DLG2: variants seen among roughly 807,000 people sequenced by gnomAD.
The protein encoded by DLG2 is discs large MAGUK scaffold protein 2, also known as disks large homolog 2.
In DLG2, 45 loss-of-function variants were observed where a neutral mutation model predicts 132.5. The observed-to-expected ratio is 0.34, with a 90% CI of 0.27 to 0.44. DLG2 has a LOEUF of 0.44. Among genes scored for constraint, DLG2 ranks in the 20% least tolerant of loss-of-function variants. The pLI is 1.00. For missense variants in DLG2, 1,045 were observed against 1,196.9 expected (o/e 0.87, Z 1.87); for synonymous variants, 424 against 419.6 (o/e 1.01, Z -0.13).
intron 3 of DLG2, among the ~76,000 whole-genome samples, chr11:85,363,525 GA>G (rs2084315426): frequency 6.6e-6 from 1 of 152,188 alleles, no homozygotes; most frequent in African/African-American, 2.4e-5. Flanking sequence ...ATCTCTGCCA[GA>G]TAATACACAG....
At chr11:84,687,507 T>C (rs1565662729) in intron 6 of DLG2, among the ~76,000 whole-genome samples, 1 of 152,178 alleles carries the variant, frequency 6.6e-6, no homozygotes, top group Non-Finnish European at 1.5e-5. Context: ...TCAATTAGTA[T>C]CATTTACTCT....
intron 5 of DLG2, among the ~76,000 whole-genome samples, chr11:85,120,671 G>A (rs1046510189): frequency 1.3e-5 from 2 of 151,992 alleles, no homozygotes; most frequent in Admixed American, 6.6e-5. Flanking sequence ...TGAAGTATGC[G>A]AGAGGTAAGC....
chr11:84,876,526 G>GAT (rs1301011755), intron 6 of DLG2, among the ~76,000 whole-genome samples: 1 of 152,066 alleles, frequency 6.6e-6, no homozygotes, highest in African/African-American at 2.4e-5. Flanking sequence ...GATCAGTGGT[G>GAT]ATATCCCCTT....
chr11:85,320,475 G>A (rs1356223878), intron 3 of DLG2, among the ~76,000 whole-genome samples: 1 of 151,632 alleles, frequency 6.6e-6, no homozygotes, highest in African/African-American at 2.4e-5. Flanking sequence ...AATTACAGAA[G>A]AGAATGAAAA....
At chr11:84,182,145 C>G (rs1212236663) in intron 8 of DLG2, among the ~76,000 whole-genome samples, 1 of 152,058 alleles carries the variant, frequency 6.6e-6, no homozygotes, top group Non-Finnish European at 1.5e-5. Flanking sequence ...CAAATCTTAA[C>G]AAGTTCAAAA....
At chr11:84,247,275 A>T (rs1470283322) in intron 8 of DLG2, among the ~76,000 whole-genome samples, 1 of 152,194 alleles carries the variant, frequency 6.6e-6, no homozygotes, top group East Asian at 1.9e-4. Context: ...AGTTGGTTGC[A>T]GAGTACCAGA....
rs1221771495 is a variant in DLG2 at position 85,197,106 on chromosome 11, A to G, written c.187-42455T>C. 2.6e-5 allele frequency among the ~76,000 whole-genome samples: 4 copies of G among 152,206 alleles called. No homozygotes were observed. The East Asian group carries it at 5.8e-4, about 22-fold the overall frequency. ...TTGTGAAATGTGGTTTAGGCAAAGG[A>G]GTATAGGCACAAGATTGCTAGGCCT... is the stretch of plus-strand genomic sequence containing the variant. On this transcript the variant is annotated intron_variant, in intron 4 of 27. Coordinates refer to ENST00000376104, the MANE Select transcript of DLG2 (RefSeq NM_001142699.3).
chr11:84,531,133 A>G (rs2099338312), intron 7 of DLG2, among the ~76,000 whole-genome samples: 1 of 152,214 alleles, frequency 6.6e-6, no homozygotes, highest in African/African-American at 2.4e-5. Context: ...AAAAGAAAAA[A>G]AAGAAAGTAA....
chr11:84,221,567 T>A (rs1335925060), intron 8 of DLG2, among the ~76,000 whole-genome samples: 1 of 152,226 alleles, frequency 6.6e-6, no homozygotes, highest in East Asian at 1.9e-4. Context: ...GGCCATTTTC[T>A]ATCAAAAGTT....
intron 7 of DLG2, among the ~76,000 whole-genome samples, chr11:84,403,160 T>C (rs1187755924): frequency 1.3e-5 from 2 of 152,172 alleles, no homozygotes; most frequent in Non-Finnish European, 2.9e-5. Context: ...AACATGGAGA[T>C]AATTGTTAGT....
chr11:84,610,701 C>T (rs1274952978), intron 6 of DLG2, among the ~76,000 whole-genome samples: 1 of 152,106 alleles, frequency 6.6e-6, no homozygotes, highest in African/African-American at 2.4e-5. Flanking sequence ...CCTTGCCAAT[C>T]CTGACTTTAT....
intron 3 of DLG2, among the ~76,000 whole-genome samples, chr11:85,439,265 C>T (rs2091650612): frequency 6.6e-6 from 1 of 152,148 alleles, no homozygotes; most frequent in African/African-American, 2.4e-5. Context: ...AATGAATGAC[C>T]CAGTCTAGTT....
chr11:85,612,091 C>T (rs758654251), intron 2 of DLG2, among the ~76,000 whole-genome samples: 1 of 152,174 alleles, frequency 6.6e-6, no homozygotes, highest in Non-Finnish European at 1.5e-5. Flanking sequence ...AAAGAAAAAA[C>T]AGTGTACCCT....
intron 3 of DLG2, among the ~76,000 whole-genome samples, chr11:85,321,421 T>C (rs924456985): frequency 6.6e-6 from 1 of 151,982 alleles, no homozygotes; most frequent in African/African-American, 2.4e-5. Context: ...GATATAAATT[T>C]AGAAGTTGGA....
chr11:84,746,251 G>GAAAAA (rs369130410), intron 6 of DLG2, among the ~76,000 whole-genome samples: 8 of 90,916 alleles, frequency 8.8e-5, no homozygotes, highest in South Asian at 3.5e-4. Flanking sequence ...GATATGAAAA[G>GAAAAA]AAAAAAAAAA....
intron 3 of DLG2, among the ~76,000 whole-genome samples, chr11:85,358,624 A>G (rs2083919302): frequency 6.6e-6 from 1 of 152,224 alleles, no homozygotes; most frequent in Admixed American, 6.5e-5. Flanking sequence ...CATGCTATAT[A>G]TTGTCTTGCA....
chr11:83,547,745 A>G (rs182674317), intron 19 of DLG2, among the ~76,000 whole-genome samples: 3 of 152,296 alleles, frequency 2.0e-5, no homozygotes, highest in Non-Finnish European at 4.4e-5. Context: ...GAACTATAAG[A>G]TAATAAATTT....
intron 18 of DLG2, among the ~76,000 whole-genome samples, chr11:83,680,009 C>T (rs1056022799): frequency 2.0e-5 from 3 of 152,126 alleles, no homozygotes; most frequent in Admixed American, 2.0e-4. Flanking sequence ...CGCTTTTAAT[C>T]CTGTTTTGAG....
intron 7 of DLG2, among the ~76,000 whole-genome samples, chr11:84,353,071 C>T (rs1421301855): frequency 6.6e-6 from 1 of 152,108 alleles, no homozygotes; most frequent in African/African-American, 2.4e-5. Context: ...TATATTTTCT[C>T]TCCAGATATC....
Sources: gnomAD v4.1 joint callset for allele counts (sites outside exome capture counted in the v4.1 genomes callset) on GRCh38, gnomAD v4.1.1 for gene constraint, MANE v1.5 for transcripts, NCBI Gene and HGNC (gene_info 2026-07-23, HGNC 2026-07-21) for gene names.